Variants in CIT observed in about 807,000 individuals in gnomAD.
CIT encodes citron Rho-interacting kinase.
In CIT, 79 loss-of-function variants were observed where a neutral mutation model predicts 272.7. The observed-to-expected ratio is 0.29, with a 90% CI of 0.24 to 0.35. The LOEUF is 0.35. Among genes scored for constraint, CIT ranks in the 10% least tolerant of loss-of-function variants. CIT has a pLI of 1.00. For synonymous variants in CIT, 948 were observed against 995.6 expected, an observed-to-expected ratio of 0.95 and a Z score of 0.90; for missense variants, 1,909 against 2,618.3, an observed-to-expected ratio of 0.73 and a Z score of 5.91.
At position 119,710,990 on chromosome 12, in the gene CIT, A is replaced by T; in HGVS notation, c.4855-370T>A. The T allele has an allele frequency of 7.6e-7, 1 of 1,323,936 alleles. No individual in the cohort carries two copies. Among genetic ancestry groups the T allele is most frequent in the Non-Finnish European group, 1.0e-6 (1 of 983,398 alleles). The allele number at this position is 1,323,936 out of a possible 1,614,324, so 82.0% of individuals were successfully genotyped here. A position where few individuals can be genotyped will look rare whatever the true frequency, so the allele number is the denominator to read the frequency against. Reference sequence around the variant, plus strand: ...AAGACTCCTTCCCCCATAAGGCTGCAGCAGAAGTGCAAAGGCGCCGTGTTA... The same window carrying T: ...AAGACTCCTTCCCCCATAAGGCTGCTGCAGAAGTGCAAAGGCGCCGTGTTA... On this transcript the variant is annotated intron_variant, in intron 37 of 47. Coordinates refer to ENST00000392521, the MANE Select transcript of CIT (RefSeq NM_001206999.2). This position sits in a 1 kb window ranked among gnomAD's most constrained non-coding sequence, Gnocchi z 5.6.
chr12:119,758,253 T>C (rs1044768911), intron 21 of CIT, among the ~76,000 whole-genome samples: 41 of 152,204 alleles, frequency 2.7e-4, no homozygotes, highest in African/African-American at 9.4e-4. Context: ...ATGGCCCAAC[T>C]GGGCACACAC....
intron 47 of CIT, among the ~76,000 whole-genome samples, chr12:119,688,526 G>A (rs896553891): frequency 6.6e-6 from 1 of 152,230 alleles, no homozygotes; most frequent in Non-Finnish European, 1.5e-5. Flanking sequence ...CAATTGGGAG[G>A]GATAAGAAGC....
At chr12:119,842,636 G>A (rs1320327837) in intron 5 of CIT, among the ~76,000 whole-genome samples, 1 of 151,992 alleles carries the variant, frequency 6.6e-6, no homozygotes, top group Admixed American at 6.6e-5. Context: ...CTATAGACCA[G>A]AAAACAATAA....
intron 23 of CIT, 108 bp from the exon 24 acceptor site, chr12:119,742,572 G>A (rs1005247142): frequency 4.6e-5 from 31 of 680,218 alleles, no homozygotes; most frequent in Non-Finnish European, 6.3e-5. Flanking sequence ...CCGAGAATGC[G>A]GCACCAGCAT....
chr12:119,865,937 TA>T (rs1454968078), intron 3 of CIT, among the ~76,000 whole-genome samples: 1 of 151,474 alleles, frequency 6.6e-6, no homozygotes, highest in African/African-American at 2.4e-5. Flanking sequence ...AAAGTACATG[TA>T]AAATACTGAA....
Position 119,718,024 on chromosome 12 carries a change from G to C in CIT, c.4168+221C>G, listed in dbSNP as rs893024625. Among the ~76,000 whole-genome samples, 1 of 151,354 alleles carries C rather than the reference G, an allele frequency of 6.6e-6. No homozygotes were observed. Among genetic ancestry groups the C allele is most frequent in the Non-Finnish European group, 1.5e-5 (1 of 67,890 alleles). ...CCCAGCTAATTTTGCATTTTTAGTA[G>C]AGACGGGGTTTCTCCATGTTGGTCA... On this transcript the variant is annotated intron_variant, in intron 32 of 47. Transcript: ENST00000392521. This position sits in a 1 kb window ranked among gnomAD's most constrained non-coding sequence, Gnocchi z 4.8.
chr12:119,688,287 T>C, intron 47 of CIT, 32 bp from the exon 48 acceptor site: 2 of 1,609,180 alleles, frequency 1.2e-6, no homozygotes, highest in Non-Finnish European at 1.7e-6. Flanking sequence ...GTGTTAGCCA[T>C]CCGAGGCCAG....
At chr12:119,744,696 C>T (rs1452978164) in intron 23 of CIT, among the ~76,000 whole-genome samples, 1 of 119,348 alleles carries the variant, frequency 8.4e-6, no homozygotes, top group African/African-American at 3.4e-5. Context: ...GCCTGGGCAA[C>T]AGGGCGAGAC....
intron 26 of CIT, among the ~76,000 whole-genome samples, chr12:119,731,885 G>T (rs935566387): frequency 1.3e-5 from 2 of 149,378 alleles, no homozygotes; most frequent in Admixed American, 6.6e-5. Flanking sequence ...GCCCAGGCTG[G>T]AGTTCAGTGG....
chr12:119,822,711 C>T lies in CIT; in HGVS notation c.1111+109G>A, dbSNP rs141208450. On this transcript the variant is annotated intron_variant, in intron 9 of 47. Coordinates refer to ENST00000392521, the MANE Select transcript of CIT (RefSeq NM_001206999.2). ...TACTACTCCTGTAGATAATTAAAGCCTTTATTTATGTAATTTACAGAAGCT... is the reference window on the plus strand; with the variant it reads ...TACTACTCCTGTAGATAATTAAAGCTTTTATTTATGTAATTTACAGAAGCT... The T allele has an allele frequency of 2.5e-4, 289 of 1,172,216 alleles. No individual in the cohort carries two copies. The African/African-American group carries it at 3.8e-3, about 15-fold the overall frequency. The allele number at this position is 1,172,216 out of a possible 1,614,324, so 72.6% of individuals were successfully genotyped here.
In CIT at chr12:119,694,981, C is replaced by T. The variant is rs911516743; in HGVS notation, c.5882+2678G>A. On this transcript the variant is annotated intron_variant, in intron 46 of 47. Transcript: ENST00000392521. The surrounding 1 kb of genome is among the most constrained non-coding windows in gnomAD (Gnocchi z 4.5). ...TAGAAATTAACCCTAGCCCTTTGCG[C>T]GGCCACTCTCGAGGCAGGGTCAAAC... Among the ~76,000 whole-genome samples the T allele has an allele frequency of 2.4e-4, 36 of 152,202 alleles. No homozygotes were observed. Among genetic ancestry groups the T allele is most frequent in the African/African-American group, 8.2e-4 (34 of 41,524 alleles).
At chr12:119,873,835 T>C (rs1950757537) in intron 2 of CIT, among the ~76,000 whole-genome samples, 1 of 152,050 alleles carries the variant, frequency 6.6e-6, no homozygotes, top group African/African-American at 2.4e-5. Context: ...ACAGGTATCC[T>C]ACATAACTAC....
intron 5 of CIT, among the ~76,000 whole-genome samples, chr12:119,839,161 A>G (rs1593915834): frequency 6.6e-6 from 1 of 152,340 alleles, no homozygotes; most frequent in South Asian, 2.1e-4. Context: ...GTTTGCATCC[A>G]TACCCCAGTA....
rs546951797 is a variant in CIT at position 119,747,516 on chromosome 12, C to T, written c.2904+4534G>A. 4.6e-5 allele frequency among the ~76,000 whole-genome samples: 7 copies of T among 151,456 alleles called. No homozygotes were observed. In the East Asian group the frequency reaches 9.8e-4, roughly 21 times the overall value. Reference sequence around the variant, plus strand: ...CGGGTGGATCACAAGGTCAAGAGATCGAGACCATCCTGGCCAACATGGTGA... The same window carrying T: ...CGGGTGGATCACAAGGTCAAGAGATTGAGACCATCCTGGCCAACATGGTGA... On this transcript the variant is annotated intron_variant, in intron 23 of 47. Transcript: ENST00000392521.
intron 16 of CIT, among the ~76,000 whole-genome samples, chr12:119,774,249 C>T (rs1963504915): frequency 6.6e-6 from 1 of 151,132 alleles, no homozygotes; most frequent in Non-Finnish European, 1.5e-5. Context: ...GAACTGTACA[C>T]TTAAAAATGG....
chr12:119,778,642 G>GCC (rs143634844), intron 13 of CIT, among the ~76,000 whole-genome samples: 55 of 149,340 alleles, frequency 3.7e-4, no homozygotes, highest in African/African-American at 1.2e-3. Context: ...AGCAGGTGAC[G>GCC]CCCCCCCCCC....
chr12:119,714,676 A>G (rs1165256622), intron 32 of CIT, among the ~76,000 whole-genome samples: 2 of 152,176 alleles, frequency 1.3e-5, no homozygotes, highest in Non-Finnish European at 2.9e-5. Context: ...TAAAAAAAGG[A>G]AGATAAGTGT....
At chr12:119,724,198 T>C (rs372620484) in intron 28 of CIT, among the ~76,000 whole-genome samples, 1 of 152,056 alleles carries the variant, frequency 6.6e-6, no homozygotes, top group Non-Finnish European at 1.5e-5. Flanking sequence ...GTCACAGAGA[T>C]AATAAAACTA....
chr12:119,824,943 C>A (rs747063456), intron 8 of CIT, among the ~76,000 whole-genome samples: 1 of 152,070 alleles, frequency 6.6e-6, no homozygotes, highest in Non-Finnish European at 1.5e-5. Flanking sequence ...GGACTACAGG[C>A]GCCCACCACC....
Sources: allele counts gnomAD v4.1 joint callset (sites outside exome capture counted in the v4.1 genomes callset), GRCh38; gene constraint gnomAD v4.1.1; non-coding constraint Gnocchi (gnomAD v3.1); transcripts MANE v1.5; gene names NCBI Gene and HGNC (gene_info 2026-07-23, HGNC 2026-07-21).